PDSS2: variants seen among roughly 807,000 people sequenced by gnomAD.
PDSS2 encodes the protein all trans-polyprenyl-diphosphate synthase PDSS2.
PDSS2 carries 31 observed loss-of-function variants against 44.5 expected under a neutral mutation model. That is an observed-to-expected ratio of 0.70 (90% CI 0.52 to 0.94). The LOEUF is 0.94. Ranked by LOEUF, PDSS2 falls within the 40% of genes least tolerant of loss-of-function variation. The probability of loss-of-function intolerance (pLI) is 0.00; values close to 1 mark genes in which losing one functional copy is unlikely to be tolerated. For synonymous variants in PDSS2, 157 were observed against 180.3 expected (o/e 0.87, Z 1.03); for missense variants, 452 against 482.2 (o/e 0.94, Z 0.59).
chr6:107,206,215 G>T (rs1772970998), intron 6 of PDSS2, among the ~76,000 whole-genome samples: 1 of 152,096 alleles, frequency 6.6e-6, no homozygotes, highest in Admixed American at 6.5e-5. Flanking sequence ...GGGATTACAG[G>T]CATGCGCCAC....
intron 1 of PDSS2, 28 bp downstream of exon 1, chr6:107,458,962 G>A (rs1304831075): frequency 6.2e-7 from 1 of 1,605,582 alleles, no homozygotes; most frequent in Non-Finnish European, 8.5e-7. Context: ...ATGAGTGCGA[G>A]TGTGTCAGCG....
At chr6:107,264,350 A>G (rs1445122082) in intron 3 of PDSS2, 1 of 1,528,912 alleles carries the variant, frequency 6.5e-7, no homozygotes, top group African/African-American at 1.4e-5. Flanking sequence ...TGTAAAGAGT[A>G]CATCTGTGCC....
chr6:107,282,920 C>G (rs1404463035), intron 2 of PDSS2, among the ~76,000 whole-genome samples: 1 of 149,450 alleles, frequency 6.7e-6, no homozygotes, highest in Non-Finnish European at 1.5e-5. Context: ...ACAGGGGTCT[C>G]CCTATGTTGC....
At chr6:107,310,187 A>G (rs1276576292) in intron 2 of PDSS2, among the ~76,000 whole-genome samples, 1 of 149,354 alleles carries the variant, frequency 6.7e-6, no homozygotes, top group Non-Finnish European at 1.5e-5. Flanking sequence ...CGGGAGGCTG[A>G]GGCAGGAGAA....
At chr6:107,190,627 C>T (rs1051908679) in intron 7 of PDSS2, among the ~76,000 whole-genome samples, 1 of 152,168 alleles carries the variant, frequency 6.6e-6, no homozygotes, top group Admixed American at 6.5e-5. Flanking sequence ...TGGGAAACCA[C>T]AGAGGATTTG....
chr6:107,392,074 A>G (rs886902891), intron 1 of PDSS2, among the ~76,000 whole-genome samples: 3 of 152,204 alleles, frequency 2.0e-5, no homozygotes, highest in Non-Finnish European at 4.4e-5. Flanking sequence ...CTTGATGTTT[A>G]TAACAATATT....
chr6:107,345,183 G>A (rs1778204010), intron 1 of PDSS2, among the ~76,000 whole-genome samples: 2 of 151,918 alleles, frequency 1.3e-5, no homozygotes, highest in South Asian at 4.2e-4. Flanking sequence ...CGTCTGTGCA[G>A]AGAATAAATC....
At chr6:107,304,878 G>A (rs576587592) in intron 2 of PDSS2, among the ~76,000 whole-genome samples, 4 of 151,480 alleles carry the variant, frequency 2.6e-5, no homozygotes, top group African/African-American at 9.7e-5. Context: ...ACTCCTGTGG[G>A]GAAATCCTGG....
intron 1 of PDSS2, among the ~76,000 whole-genome samples, chr6:107,426,286 G>A (rs2114726823): frequency 6.6e-6 from 1 of 152,346 alleles, no homozygotes; most frequent in African/African-American, 2.4e-5. Context: ...CCAAGTTTTG[G>A]CAGCTTCCAC....
At chr6:107,233,057 T>A (rs1774104216) in intron 4 of PDSS2, among the ~76,000 whole-genome samples, 1 of 152,152 alleles carries the variant, frequency 6.6e-6, no homozygotes, top group African/African-American at 2.4e-5. Context: ...GCTCAAGCAA[T>A]CTTCCTGCCT....
intron 1 of PDSS2, among the ~76,000 whole-genome samples, chr6:107,386,744 C>T (rs1779623694): frequency 6.6e-6 from 1 of 152,146 alleles, no homozygotes; most frequent in African/African-American, 2.4e-5. Context: ...CCCATTTGAC[C>T]AGAAATAAAT....
rs76243140 is a variant in PDSS2, at chr6:107,451,875, G to C, written c.296+7115C>G. ...ACCCCGCCAGACTTTGTAGCCCTCAGGGCCTGGTGTTGGGCCCGATCACCT... is the reference window on the plus strand; with the variant it reads ...ACCCCGCCAGACTTTGTAGCCCTCACGGCCTGGTGTTGGGCCCGATCACCT... On this transcript the variant is annotated intron_variant, in intron 1 of 7. Transcript: ENST00000369037. 8.9e-3 allele frequency among the ~76,000 whole-genome samples: 1,352 copies of C among 152,250 alleles called. 51 individuals carry two copies. The East Asian group carries it at 0.12, about 13-fold the overall frequency.
At chr6:107,419,517 TATG>T (rs1021991470) in intron 1 of PDSS2, among the ~76,000 whole-genome samples, 31 of 152,338 alleles carry the variant, frequency 2.0e-4, no homozygotes, top group Non-Finnish European at 2.5e-4. Context: ...CAACTGACCT[TATG>T]ATAATACTAC....
chr6:107,364,432 C>T (rs1371570687), intron 1 of PDSS2, among the ~76,000 whole-genome samples: 1 of 152,236 alleles, frequency 6.6e-6, no homozygotes, highest in Admixed American at 6.5e-5. Context: ...AGCACAGCGC[C>T]AGTGGGCCGG....
chr6:107,417,767 A>G (rs1780706225), intron 1 of PDSS2, among the ~76,000 whole-genome samples: 1 of 120,342 alleles, frequency 8.3e-6, no homozygotes, highest in Non-Finnish European at 1.7e-5. Flanking sequence ...CTTCAAAAAA[A>G]TTAATAATAA....
intron 7 of PDSS2, among the ~76,000 whole-genome samples, chr6:107,172,354 GGCA>G (rs782616309): frequency 1.4e-4 from 21 of 152,252 alleles, no homozygotes; most frequent in Non-Finnish European, 2.9e-4. Flanking sequence ...GAGAAGTGGA[GGCA>G]GCAGCCACTT....
intron 1 of PDSS2, among the ~76,000 whole-genome samples, chr6:107,431,287 C>G (rs1393333052): frequency 6.6e-6 from 1 of 152,208 alleles, no homozygotes; most frequent in Non-Finnish European, 1.5e-5. Context: ...GGGTCTCACT[C>G]TGCTGCCTAG....
chr6:107,292,567 G>A (rs1776381517), intron 2 of PDSS2, among the ~76,000 whole-genome samples: 2 of 152,100 alleles, frequency 1.3e-5, no homozygotes. Context: ...TGTATTGCAT[G>A]GTCTCTTTAT....
At chr6:107,283,138 G>A (rs898154224) in intron 2 of PDSS2, among the ~76,000 whole-genome samples, 8 of 150,988 alleles carry the variant, frequency 5.3e-5, no homozygotes, top group Admixed American at 2.0e-4. Context: ...GGGCAACATA[G>A]GGAGACCTCA....
Sources: allele counts gnomAD v4.1 joint callset (sites outside exome capture counted in the v4.1 genomes callset), GRCh38; gene constraint gnomAD v4.1.1; transcripts MANE v1.5; gene names NCBI Gene and HGNC (gene_info 2026-07-23, HGNC 2026-07-21).